Variants in FOXN3 observed in about 807,000 individuals in gnomAD.
FOXN3 encodes the protein forkhead box N3.
Under a neutral mutation model 38.4 loss-of-function variants are expected in FOXN3, and 7 were observed. That is an observed-to-expected ratio of 0.18 (90% CI 0.10 to 0.34). The LOEUF (loss-of-function observed/expected upper bound fraction) is 0.34, where lower values mean the gene tolerates loss of function less well. Ranked by LOEUF, FOXN3 falls within the 10% of genes least tolerant of loss-of-function variation. The pLI is 1.00. For missense variants in FOXN3, 456 were observed against 613.4 expected, an observed-to-expected ratio of 0.74 and a Z score of 2.71; for synonymous variants, 230 against 242.2, an observed-to-expected ratio of 0.95 and a Z score of 0.47.
At chr14:89,420,037 G>A (rs184155725), upstream of FOXN3, among the ~76,000 whole-genome samples, 146 of 152,218 alleles carry the variant, frequency 9.6e-4, no homozygotes, top group African/African-American at 3.2e-3. Context: ...CGGGGAGGCT[G>A]GGCAGGCACA....
intron 1 of FOXN3, among the ~76,000 whole-genome samples, chr14:89,532,771 G>A (rs910642229): frequency 1.3e-5 from 2 of 152,116 alleles, no homozygotes; most frequent in South Asian, 2.1e-4. Flanking sequence ...TTGAATAATC[G>A]TGCCACTTAC....
intron 2 of FOXN3, among the ~76,000 whole-genome samples, chr14:89,374,657 T>G (rs971680934): frequency 2.0e-4 from 30 of 152,092 alleles, no homozygotes; most frequent in African/African-American, 7.2e-4. Context: ...TTATGCAGAG[T>G]AAAAGAAGTT....
rs371349203 is a variant in FOXN3 at position 89,597,318 on chromosome 14, T to C, written c.-15+21710A>G. On this transcript the variant is annotated intron_variant, in intron 1 of 6. Transcript: ENST00000345097. ...GTCACTGTAGTTGGAAAATATACTC[T>C]ATGATTTCCATCCTATACTCTATGA... Among the ~76,000 whole-genome samples the C allele has an allele frequency of 5.1e-4, 77 of 152,342 alleles. No homozygotes were observed. In the South Asian group the frequency reaches 0.015, roughly 29 times the overall value.
At chr14:89,418,531 T>C (rs1278794067), upstream of FOXN3, among the ~76,000 whole-genome samples, 1 of 148,424 alleles carries the variant, frequency 6.7e-6, no homozygotes, top group Admixed American at 6.8e-5. Context: ...TTCCAAGTTG[T>C]GTGGCATCTC....
intron 1 of FOXN3, among the ~76,000 whole-genome samples, chr14:89,526,415 T>C (rs1476897903): frequency 6.6e-6 from 1 of 152,138 alleles, no homozygotes; most frequent in East Asian, 1.9e-4. Flanking sequence ...TCAGCAAGAT[T>C]GCAAGATACA....
At chr14:89,410,295 C>A (rs1169252956) in intron 2 of FOXN3, among the ~76,000 whole-genome samples, 1 of 152,146 alleles carries the variant, frequency 6.6e-6, no homozygotes, top group Non-Finnish European at 1.5e-5. Context: ...AAATTGAAGG[C>A]CCCAGCCCCG....
At chr14:89,617,614 C>T (rs921673437) in intron 1 of FOXN3, among the ~76,000 whole-genome samples, 1 of 152,194 alleles carries the variant, frequency 6.6e-6, no homozygotes, top group Non-Finnish European at 1.5e-5. Flanking sequence ...AACAACTTTG[C>T]ATTCTACAAC....
intron 3 of FOXN3, among the ~76,000 whole-genome samples, chr14:89,319,114 CTT>C (rs1026188974): frequency 5.9e-5 from 9 of 152,132 alleles, no homozygotes; most frequent in Non-Finnish European, 8.8e-5. Flanking sequence ...GAGTTGCTGA[CTT>C]TGGATACTGG....
At chr14:89,289,193 AAAAAGAAAAGAAAAAG>A (rs57089885) in intron 3 of FOXN3, among the ~76,000 whole-genome samples, 2,623 of 114,132 alleles carry the variant, frequency 0.023, 70 homozygotes, top group African/African-American at 0.08. Context: ...AAAAAAAAAA[AAAAAGAAAAGAAAAAG>A]AAAAGAAAAG....
chr14:89,492,049 G>C (rs1193004292), intron 1 of FOXN3, among the ~76,000 whole-genome samples: 1 of 152,152 alleles, frequency 6.6e-6, no homozygotes, highest in Non-Finnish European at 1.5e-5. Context: ...TGTTGGAAAG[G>C]CCTGCTCCAG....
Position 89,505,275 on chromosome 14 carries a change from TCCCTCCCCCTCC to T in FOXN3, c.-14-92797_-14-92786del, listed in dbSNP as rs981168543. Among the ~76,000 whole-genome samples the T allele has an allele frequency of 3.4e-5, 5 of 148,346 alleles. No homozygotes were observed. The South Asian group carries it at 1.1e-3, about 32-fold the overall frequency. On this transcript the variant is annotated intron_variant, in intron 1 of 6. Coordinates refer to the FOXN3 transcript ENST00000345097. Reference sequence around the variant, plus strand: ...CTCCCTCTCCCTCTCCCTCTCCTTCTCCCTCCCCCTCCCCCTCCCCCTCTCCCCACGGTCTCC... The same window carrying T: ...CTCCCTCTCCCTCTCCCTCTCCTTCTCCCTCCCCCTCTCCCCACGGTCTCC...
chr14:89,404,845 A>G (rs1393551572), intron 2 of FOXN3, among the ~76,000 whole-genome samples: 1 of 152,166 alleles, frequency 6.6e-6, no homozygotes, highest in East Asian at 1.9e-4. Context: ...TCTCACACAC[A>G]TTACAAAATT....
At chr14:89,237,173 A>T (rs1885005854) in intron 4 of FOXN3, among the ~76,000 whole-genome samples, 1 of 152,256 alleles carries the variant, frequency 6.6e-6, no homozygotes, top group Non-Finnish European at 1.5e-5. Context: ...AGTGAGCAAA[A>T]GACATAAATA....
At chr14:89,193,144 T>C (rs1438922904) in intron 4 of FOXN3, among the ~76,000 whole-genome samples, 1 of 151,962 alleles carries the variant, frequency 6.6e-6, no homozygotes, top group Non-Finnish European at 1.5e-5. Context: ...ACGAAAGTGC[T>C]ACAGGTGACC....
At chr14:89,520,919 G>T (rs1317275502) in intron 1 of FOXN3, among the ~76,000 whole-genome samples, 2 of 152,158 alleles carry the variant, frequency 1.3e-5, no homozygotes, top group Non-Finnish European at 2.9e-5. Context: ...AAAAAATCAT[G>T]CACATGATGT....
intron 1 of FOXN3, among the ~76,000 whole-genome samples, chr14:89,611,754 C>T (rs375487801): frequency 2.8e-5 from 4 of 143,638 alleles, no homozygotes; most frequent in Non-Finnish European, 6.0e-5. Context: ...TGCAGTGAGC[C>T]GAGATCGTGC....
At chr14:89,551,354 C>G (rs1895002305) in intron 1 of FOXN3, among the ~76,000 whole-genome samples, 1 of 152,098 alleles carries the variant, frequency 6.6e-6, no homozygotes, top group Non-Finnish European at 1.5e-5. Flanking sequence ...GAGACTAAAG[C>G]CAAAATCCTA....
intron 3 of FOXN3, among the ~76,000 whole-genome samples, chr14:89,348,066 G>T (rs912145463): frequency 2.6e-5 from 4 of 152,014 alleles, no homozygotes; most frequent in Non-Finnish European, 5.9e-5. Flanking sequence ...CGCTTTTCCC[G>T]CAGCATTTCC....
At chr14:89,266,883 A>C (rs1885995585) in intron 4 of FOXN3, among the ~76,000 whole-genome samples, 1 of 152,210 alleles carries the variant, frequency 6.6e-6, no homozygotes, top group Admixed American at 6.5e-5. Flanking sequence ...TTGTATTTGC[A>C]GCAACACCAA....
Sources: gnomAD v4.1 joint callset for allele counts (sites outside exome capture counted in the v4.1 genomes callset) on GRCh38, gnomAD v4.1.1 for gene constraint, MANE v1.5 for transcripts, NCBI Gene and HGNC (gene_info 2026-07-23, HGNC 2026-07-21) for gene names.